ARHGEF28: variants seen among roughly 807,000 people sequenced by gnomAD.
ARHGEF28 encodes Rho guanine nucleotide exchange factor 28.
Under a neutral mutation model 206.6 loss-of-function variants are expected in ARHGEF28, and 152 were observed. The ratio of observed to expected loss-of-function variants is 0.74; its 90% CI spans 0.64 to 0.84. The LOEUF is 0.84. ARHGEF28 is among the 40% of genes least tolerant of loss of function. ARHGEF28 has a pLI of 0.00. For synonymous variants in ARHGEF28, 763 were observed against 776.4 expected (o/e 0.98, Z 0.29); for missense variants, 2,028 against 2,073.2 (o/e 0.98, Z 0.42).
chr5:73,680,689 A>T (rs1000930530), intron 1 of ARHGEF28, among the ~76,000 whole-genome samples: 9 of 152,116 alleles, frequency 5.9e-5, no homozygotes, highest in East Asian at 1.9e-4. Flanking sequence ...TTAAAAAAAA[A>T]TTTTGAGTAT....
chr5:73,697,888 G>A (rs112086304), intron 2 of ARHGEF28, among the ~76,000 whole-genome samples: 83 of 152,294 alleles, frequency 5.4e-4, no homozygotes, highest in African/African-American at 1.9e-3. Context: ...GTGATGTTAA[G>A]TGACTTGCCC....
At chr5:73,903,600 T>C (rs1295047142) in intron 31 of ARHGEF28, 1 of 153,474 alleles carries the variant, frequency 6.5e-6, no homozygotes, top group African/African-American at 2.4e-5. Context: ...CGGTCTCCTG[T>C]GGCTGGTTCG....
intron 31 of ARHGEF28, 120 bp downstream of exon 31, chr5:73,901,404 T>G: frequency 1.4e-6 from 1 of 708,168 alleles, no homozygotes; most frequent in Non-Finnish European, 2.3e-6. Context: ...TTGTTCTCAA[T>G]TGATTTAAAT....
chr5:73,743,539 G>A (rs1442310240), intron 2 of ARHGEF28, among the ~76,000 whole-genome samples: 1 of 152,048 alleles, frequency 6.6e-6, no homozygotes, highest in African/African-American at 2.4e-5. Context: ...TTAAAAAATT[G>A]GCATTCTGAT....
At chr5:73,831,331 C>T (rs1260898464) in intron 9 of ARHGEF28, among the ~76,000 whole-genome samples, 1 of 152,168 alleles carries the variant, frequency 6.6e-6, no homozygotes, top group African/African-American at 2.4e-5. Context: ...GGCGTTCTAG[C>T]TCGAATGTGT....
chr5:73,896,041 G>A (rs1303267954), intron 29 of ARHGEF28, among the ~76,000 whole-genome samples: 1 of 152,116 alleles, frequency 6.6e-6, no homozygotes, highest in Non-Finnish European at 1.5e-5. Flanking sequence ...GTGCTAGGGA[G>A]GCAGTAATGC....
intron 2 of ARHGEF28, among the ~76,000 whole-genome samples, chr5:73,722,098 T>A (rs531309364): frequency 6.6e-5 from 10 of 152,370 alleles, no homozygotes; most frequent in Middle Eastern, 6.8e-3. Flanking sequence ...CACACAGATA[T>A]ATCTGACACA....
intron 33 of ARHGEF28, chr5:73,908,920 G>A (rs1488953481): frequency 6.6e-6 from 1 of 152,358 alleles, no homozygotes; most frequent in Non-Finnish European, 1.5e-5. Context: ...TTATTTTTAT[G>A]TCTTCATAAT....
At chr5:73,793,442 A>G (rs991933264) in intron 7 of ARHGEF28, among the ~76,000 whole-genome samples, 2 of 152,250 alleles carry the variant, frequency 1.3e-5, no homozygotes, top group Non-Finnish European at 2.9e-5. Flanking sequence ...GATTTGGGGC[A>G]TTAGATAAAT....
intron 4 of ARHGEF28, among the ~76,000 whole-genome samples, chr5:73,773,307 A>G (rs1340878321): frequency 6.6e-6 from 1 of 152,150 alleles, no homozygotes; most frequent in East Asian, 1.9e-4. Flanking sequence ...ACATAATCTC[A>G]GGGATTTAGT....
In ARHGEF28 at chr5:73,885,877, G is replaced by A. The variant is rs199636589; in HGVS notation, c.3083G>A (p.Arg1028His). ...AGAACTGAGGAACATAAAGACTTAC[G>A]CAAAGCGCTTTGCTTAATTAAAGAC... ...KERTEEHKDL[R>H]KALCLIKDMI... The change falls in exon 25 of 36, where the codon CGC becomes CAC. Residue 1028 changes from arginine to histidine, a missense_variant. Physicochemically the swap from Arg to His is conservative, Grantham distance 29. Around this residue, in one of 3 missense-constraint regions of ARHGEF28, gnomAD observed 223 missense variants for 289.9 expected, o/e 0.77. Coordinates refer to ENST00000513042, the MANE Select transcript of ARHGEF28 (RefSeq NM_001177693.2). 3.4e-4 allele frequency: 542 copies of A among 1,612,624 alleles called. No individual in the cohort carries two copies. Among genetic ancestry groups the A allele is most frequent in the Non-Finnish European group, 4.2e-4 (494 of 1,179,628 alleles).
At chr5:73,927,650 C>T (rs535733988) in intron 35 of ARHGEF28, among the ~76,000 whole-genome samples, 7 of 152,296 alleles carry the variant, frequency 4.6e-5, no homozygotes, top group African/African-American at 1.7e-4. Context: ...CGAGCCACAA[C>T]ATCTGGCTTT....
At chr5:73,894,642 G>T (rs1014547909) in intron 29 of ARHGEF28, 67 bp downstream of exon 29, 3 of 1,531,926 alleles carry the variant, frequency 2.0e-6, no homozygotes, top group African/African-American at 2.7e-5. Flanking sequence ...CCTGCTAAGT[G>T]CCATGCACTG....
At chr5:73,795,580 C>CA (rs1439913555) in intron 9 of ARHGEF28, 189 bp downstream of exon 9, 3 of 504,696 alleles carry the variant, frequency 5.9e-6, no homozygotes, top group Non-Finnish European at 1.0e-5. Context: ...GTTGAGACTC[C>CA]ATTTACAATC....
At chr5:73,919,964 A>G (rs944957640) in intron 35 of ARHGEF28, among the ~76,000 whole-genome samples, 2 of 152,230 alleles carry the variant, frequency 1.3e-5, no homozygotes, top group Non-Finnish European at 2.9e-5. Flanking sequence ...TAACTGCTCT[A>G]TCACCAGCAG....
Position 73,684,900 on chromosome 5 carries a change from C to T in ARHGEF28, c.33+16C>T, listed in dbSNP as rs747217905. The T allele has an allele frequency of 2.2e-5, 35 of 1,611,232 alleles. No homozygotes were observed. The highest frequency in any genetic ancestry group is 5.0e-5 in the Admixed American group (3 of 59,706). ...ACCTCTTTACGTAAGTTGCTAAGCACGGGGCTTCAGGTCCAAGGGGCCCTT... is the reference window on the plus strand; with the variant it reads ...ACCTCTTTACGTAAGTTGCTAAGCATGGGGCTTCAGGTCCAAGGGGCCCTT... On this transcript the variant is annotated intron_variant, in intron 2 of 35. Transcript: ENST00000513042.
intron 10 of ARHGEF28, among the ~76,000 whole-genome samples, chr5:73,837,800 G>A (rs1579965013): frequency 6.9e-6 from 1 of 145,422 alleles, no homozygotes; most frequent in South Asian, 2.2e-4. Context: ...GGAGTGCAAT[G>A]GTGCCATCTT....
rs115877025 is a variant in ARHGEF28, at chr5:73,642,719, C to T, written c.-12+16397C>T. Among the ~76,000 whole-genome samples the T allele has an allele frequency of 5.3e-3, 800 of 152,226 alleles. 4 individuals are homozygous for T. The highest frequency in any genetic ancestry group is 0.018 in the African/African-American group (749 of 41,526). On this transcript the variant is annotated intron_variant, in intron 1 of 35. Coordinates refer to ENST00000513042, the MANE Select transcript of ARHGEF28 (RefSeq NM_001177693.2). ...GACAGTGGGCACACTCCTCTGCTCT[C>T]ACTCCCAGGGTACAGACAGTAAGGG...
intron 2 of ARHGEF28, among the ~76,000 whole-genome samples, chr5:73,739,290 A>C (rs1235333914): frequency 6.6e-6 from 1 of 152,216 alleles, no homozygotes; most frequent in Non-Finnish European, 1.5e-5. Context: ...AAAATTTGGT[A>C]AATAATAAAT....
Sources: gnomAD v4.1 joint callset for allele counts (sites outside exome capture counted in the v4.1 genomes callset) on GRCh38, gnomAD v4.1.1 for gene constraint, gnomAD v4.1.1 regional missense constraint, MANE v1.5 for transcripts, NCBI Gene and HGNC (gene_info 2026-07-23, HGNC 2026-07-21) for gene names.